Variants in RNF17 observed in about 807,000 individuals in gnomAD.
RNF17 encodes the protein ring finger protein 17.
RNF17 carries 31 observed loss-of-function variants against 200.5 expected under a neutral mutation model. The ratio of observed to expected loss-of-function variants is 0.15; its 90% confidence interval spans 0.12 to 0.21. The LOEUF is 0.21. Among genes scored for constraint, RNF17 ranks in the 10% least tolerant of loss-of-function variants. The pLI is 1.00. For synonymous variants in RNF17, 606 were observed against 637.8 expected, an observed-to-expected ratio of 0.95 and a Z score of 0.75; for missense variants, 1,628 against 1,905.1, an observed-to-expected ratio of 0.85 and a Z score of 2.71.
At chr13:24,793,557 C>T (rs1317657588) in intron 10 of RNF17, among the ~76,000 whole-genome samples, 1 of 152,120 alleles carries the variant, frequency 6.6e-6, no homozygotes, top group Non-Finnish European at 1.5e-5. Context: ...ATATAGCTAA[C>T]CTCTGAGGTA....
chr13:24,812,696 T>C (rs1414360787), intron 15 of RNF17, among the ~76,000 whole-genome samples: 36 of 119,088 alleles, frequency 3.0e-4, no homozygotes, highest in Middle Eastern at 4.5e-3. Context: ...TTTTTTTTTT[T>C]TTTGAGACGC....
chr13:24,843,252 C>T (rs7984139), intron 19 of RNF17, among the ~76,000 whole-genome samples: 10,199 of 152,240 alleles, frequency 0.067, 1,141 homozygotes, highest in African/African-American at 0.23. Context: ...GGCACAGTGG[C>T]TCACGCCTGT....
At chr13:24,877,268 C>T (rs2138478275) in intron 34 of RNF17, 82 bp downstream of exon 34, 1 of 1,148,792 alleles carries the variant, frequency 8.7e-7, no homozygotes, top group Admixed American at 2.0e-5. Context: ...TATGCAGCGT[C>T]TACATGCGAG....
At chr13:24,825,484 G>T in intron 15 of RNF17, 135 bp from the exon 16 acceptor site, 3 of 647,956 alleles carry the variant, frequency 4.6e-6, no homozygotes, top group Non-Finnish European at 7.7e-6. Flanking sequence ...AATAAATTAC[G>T]TAACACAATT....
intron 10 of RNF17, 78 bp downstream of exon 10, chr13:24,793,424 C>A: frequency 2.3e-6 from 3 of 1,295,652 alleles, no homozygotes; most frequent in Admixed American, 2.4e-5. Context: ...TTCGTCCATG[C>A]ATTTAACAGA....
intron 15 of RNF17, among the ~76,000 whole-genome samples, chr13:24,819,961 G>A (rs563945128): frequency 2.0e-5 from 3 of 152,048 alleles, no homozygotes; most frequent in Admixed American, 6.5e-5. Flanking sequence ...TGTTTACCTA[G>A]GACTGTCTTA....
the RNF17 span, among the ~76,000 whole-genome samples, chr13:24,756,283 T>C: frequency 6.6e-6 from 1 of 152,276 alleles, no homozygotes; most frequent in Middle Eastern, 3.4e-3. Context: ...TATATGAATA[T>C]ATAAAACATC....
chr13:24,825,695 A>T lies in RNF17; in HGVS notation c.2168A>T (p.Glu723Val). ...FYKSEDGENL[E>V]ILCPVQDQAC... ...AAAAGTGAAGATGGAGAAAATCTGG[A>T]AATCCTCTGTCCAGTTCAAGATCAA... is the stretch of plus-strand genomic sequence containing the variant. Residue 723 changes from glutamate to valine, a missense_variant, in exon 16 of 36, where the codon GAA (glutamate) becomes GTA (valine). Coordinates refer to ENST00000255324, the MANE Select transcript of RNF17 (RefSeq NM_031277.3). 1.2e-6 allele frequency: 2 copies of T among 1,613,264 alleles called. No individual in the cohort carries two copies. The highest frequency in any genetic ancestry group is 1.7e-6 in the Non-Finnish European group (2 of 1,179,324).
At chr13:24,846,251 A>G (rs1891247600) in intron 22 of RNF17, among the ~76,000 whole-genome samples, 1 of 152,172 alleles carries the variant, frequency 6.6e-6, no homozygotes, top group African/African-American at 2.4e-5. Flanking sequence ...ACAGTTTATG[A>G]GCTAAATCGA....
At chr13:24,777,615 C>T (rs1003006320) in intron 3 of RNF17, among the ~76,000 whole-genome samples, 2 of 152,126 alleles carry the variant, frequency 1.3e-5, no homozygotes, top group Non-Finnish European at 2.9e-5. Flanking sequence ...ATTCTCCAGA[C>T]TTGTTAAGTA....
chr13:24,872,986 G>T (rs1894458924), intron 32 of RNF17, among the ~76,000 whole-genome samples: 1 of 152,172 alleles, frequency 6.6e-6, no homozygotes, highest in Admixed American at 6.5e-5. Context: ...AACTGAAGAA[G>T]CCTGTACATT....
chr13:24,844,173 C>T (rs1295744532), intron 20 of RNF17, among the ~76,000 whole-genome samples: 1 of 152,054 alleles, frequency 6.6e-6, no homozygotes, highest in African/African-American at 2.4e-5. Flanking sequence ...TCTACAAATA[C>T]CTATTGAGCA....
chr13:24,850,083 A>G lies in RNF17; in HGVS notation c.3102-258A>G, dbSNP rs369879990. ...TATACCTGTTTTTTACAGCTCCTCA[A>G]TGTAGCTGCAGAAAAGATACACATA... On this transcript the variant is annotated intron_variant, in intron 22 of 35. Coordinates refer to ENST00000255324, the MANE Select transcript of RNF17 (RefSeq NM_031277.3). 3.3e-5 allele frequency among the ~76,000 whole-genome samples: 5 copies of G among 152,278 alleles called. No individual in the cohort carries two copies. The East Asian group carries it at 7.7e-4, about 23-fold the overall frequency.
At chr13:24,827,717 A>C (rs1467696600) in intron 16 of RNF17, among the ~76,000 whole-genome samples, 9 of 57,450 alleles carry the variant, frequency 1.6e-4, no homozygotes, top group Non-Finnish European at 2.6e-4. Flanking sequence ...AAAAAAAAAA[A>C]CAAAAAAAAA....
intron 33 of RNF17, 22 bp from the exon 34 acceptor site, chr13:24,876,975 G>T (rs2138474536): frequency 6.4e-7 from 1 of 1,555,154 alleles, no homozygotes; most frequent in Non-Finnish European, 8.7e-7. Context: ...GAATTTTAAT[G>T]TAAGAATTTC....
At chr13:24,789,821 T>C (rs920030708) in intron 9 of RNF17, 49 bp downstream of exon 9, 1 of 1,018,536 alleles carries the variant, frequency 9.8e-7, no homozygotes, top group African/African-American at 1.6e-5. Flanking sequence ...TGACAGTACT[T>C]ACATTATCTA....
chr13:24,818,815 T>A (rs1887699588), intron 15 of RNF17, among the ~76,000 whole-genome samples: 2 of 152,028 alleles, frequency 1.3e-5, no homozygotes, highest in South Asian at 4.1e-4. Flanking sequence ...TATAGTTGGA[T>A]CATGTTTTTT....
intron 24 of RNF17, among the ~76,000 whole-genome samples, chr13:24,853,392 A>G (rs999146315): frequency 1.3e-5 from 2 of 152,168 alleles, no homozygotes; most frequent in African/African-American, 4.8e-5. Context: ...TAAATATAGC[A>G]TATTACCACT....
At position 24,864,009 on chromosome 13, in the gene RNF17, G is replaced by A. The variant is rs527564177; in HGVS notation, c.3976-864G>A. On this transcript the variant is annotated intron_variant, in intron 28 of 35. Transcript: ENST00000255324. Reference sequence around the variant, plus strand: ...CTGCCTTTCTAGAGCTTCCATTTCAGTGGTGGGAAAGAGAAAATAAACTAT... The same window carrying A: ...CTGCCTTTCTAGAGCTTCCATTTCAATGGTGGGAAAGAGAAAATAAACTAT... Among the ~76,000 whole-genome samples, 22 of 152,326 alleles carry A rather than the reference G, an allele frequency of 1.4e-4. 2 individuals carry two copies. The South Asian group carries it at 4.6e-3, about 32-fold the overall frequency.
Sources: allele counts gnomAD v4.1 joint callset (sites outside exome capture counted in the v4.1 genomes callset), GRCh38; gene constraint gnomAD v4.1.1; transcripts MANE v1.5; gene names NCBI Gene and HGNC (gene_info 2026-07-23, HGNC 2026-07-21).